The following ITGBL1 variants were observed in gnomAD, a reference collection of about 807,000 sequenced individuals.
ITGBL1 encodes the protein integrin subunit beta like 1, also known as integrin beta-like protein 1.
Under a neutral mutation model 68.5 loss-of-function variants are expected in ITGBL1, and 51 were observed. The ratio of observed to expected loss-of-function variants is 0.74; its 90% CI spans 0.59 to 0.94. The LOEUF (loss-of-function observed/expected upper bound fraction) is 0.94, where lower values mean the gene tolerates loss of function less well. ITGBL1 is among the 40% of genes least tolerant of loss of function. The pLI, the probability that ITGBL1 is intolerant of heterozygous loss-of-function variation, is 0.00. For missense variants in ITGBL1, 649 were observed against 647.4 expected, an observed-to-expected ratio of 1.00 and a Z score of -0.03; for synonymous variants, 209 against 227.3, an observed-to-expected ratio of 0.92 and a Z score of 0.72.
At chr13:101,606,518 G>T (rs2139356462) in intron 7 of ITGBL1, among the ~76,000 whole-genome samples, 1 of 151,900 alleles carries the variant, frequency 6.6e-6, no homozygotes, top group East Asian at 1.9e-4. Context: ...CTTATGGTAG[G>T]CTAAACGTTA....
intron 4 of ITGBL1, 87 bp from the exon 5 acceptor site, chr13:101,579,200 C>T (rs987379891): frequency 6.9e-7 from 1 of 1,444,776 alleles, no homozygotes; most frequent in African/African-American, 1.4e-5. Flanking sequence ...TTTCAGAAGG[C>T]AAAAATGATC....
chr13:101,564,064 C>T (rs905813102), intron 2 of ITGBL1, among the ~76,000 whole-genome samples: 7 of 151,916 alleles, frequency 4.6e-5, no homozygotes, highest in Non-Finnish European at 8.8e-5. Flanking sequence ...GATGGCAATT[C>T]TCTCTACTTT....
At chr13:101,553,494 AC>A (rs1229466301) in intron 2 of ITGBL1, among the ~76,000 whole-genome samples, 1 of 152,170 alleles carries the variant, frequency 6.6e-6, no homozygotes, top group African/African-American at 2.4e-5. Flanking sequence ...TGAAGACTGT[AC>A]CTTGAGTTTC....
intron 2 of ITGBL1, among the ~76,000 whole-genome samples, chr13:101,548,268 A>C (rs773342918): frequency 2.6e-5 from 4 of 151,836 alleles, no homozygotes; most frequent in Non-Finnish European, 5.9e-5. Flanking sequence ...ATGTATTAGC[A>C]GATAGAAATA....
At chr13:101,648,305 G>A (rs1448962564) in intron 7 of ITGBL1, among the ~76,000 whole-genome samples, 1 of 152,150 alleles carries the variant, frequency 6.6e-6, no homozygotes, top group African/African-American at 2.4e-5. Context: ...TGTGATATAT[G>A]TTTAAGAGAG....
At chr13:101,588,843 C>A (rs1196019360) in intron 6 of ITGBL1, among the ~76,000 whole-genome samples, 1 of 152,126 alleles carries the variant, frequency 6.6e-6, no homozygotes, top group Non-Finnish European at 1.5e-5. Context: ...CCTTCTTTGG[C>A]ATAACTTTTA....
At chr13:101,663,289 G>A (rs1313989349) in intron 7 of ITGBL1, among the ~76,000 whole-genome samples, 2 of 152,118 alleles carry the variant, frequency 1.3e-5, no homozygotes, top group African/African-American at 2.4e-5. Context: ...CATTTAAGTA[G>A]AAAACAGGAC....
At chr13:101,604,749 T>A (rs1210139978) in intron 7 of ITGBL1, among the ~76,000 whole-genome samples, 1 of 146,054 alleles carries the variant, frequency 6.8e-6, no homozygotes, top group African/African-American at 2.5e-5. Context: ...ATAAGACCCA[T>A]CAGTTTCTCA....
chr13:101,638,434 TAA>T (rs56780940), intron 7 of ITGBL1, among the ~76,000 whole-genome samples: 17,885 of 148,828 alleles, frequency 0.12, 1,523 homozygotes, highest in African/African-American at 0.24. Flanking sequence ...TCTTAAAAAA[TAA>T]AAAAAAAAAA....
intron 2 of ITGBL1, among the ~76,000 whole-genome samples, chr13:101,469,679 A>G (rs923228934): frequency 1.5e-4 from 23 of 152,102 alleles, no homozygotes; most frequent in Middle Eastern, 3.2e-3. Flanking sequence ...GTGAAACTCC[A>G]TCTTTCCATC....
chr13:101,607,450 C>A (rs1381099909), intron 7 of ITGBL1, among the ~76,000 whole-genome samples: 1 of 151,880 alleles, frequency 6.6e-6, no homozygotes, highest in Non-Finnish European at 1.5e-5. Context: ...GCATAATATT[C>A]CATTATATAG....
At chr13:101,624,910 C>G (rs1594938222) in intron 7 of ITGBL1, among the ~76,000 whole-genome samples, 1 of 152,182 alleles carries the variant, frequency 6.6e-6, no homozygotes, top group East Asian at 1.9e-4. Context: ...TCTGTGAATT[C>G]TGCCATATAC....
chr13:101,576,952 G>GAT (rs3063716), intron 4 of ITGBL1, among the ~76,000 whole-genome samples: 67,418 of 126,042 alleles, frequency 0.53, 17,018 homozygotes, highest in East Asian at 0.68. Context: ...TATTATAGAT[G>GAT]GAAAAAAAAA....
At chr13:101,476,875 G>C (rs2048544930) in intron 2 of ITGBL1, among the ~76,000 whole-genome samples, 1 of 152,066 alleles carries the variant, frequency 6.6e-6, no homozygotes, top group South Asian at 2.1e-4. Context: ...TAAAGTGAGA[G>C]ATAGACCCCA....
At chr13:101,634,613 A>G (rs1034086194) in intron 7 of ITGBL1, among the ~76,000 whole-genome samples, 2 of 152,142 alleles carry the variant, frequency 1.3e-5, no homozygotes, top group Non-Finnish European at 2.9e-5. Flanking sequence ...CATTTCATTC[A>G]TTTATTCCTT....
intron 8 of ITGBL1, 115 bp downstream of exon 8, chr13:101,692,816 G>A (rs547683069): frequency 5.5e-6 from 4 of 732,958 alleles, no homozygotes; most frequent in African/African-American, 3.5e-5. Flanking sequence ...TAAACAGAAA[G>A]CAATATACCA....
chr13:101,654,775 C>T lies in ITGBL1; in HGVS notation c.1016-37810C>T, dbSNP rs56233980. ...ATGCAGATCGGTGTAAAGCTCTGGGCCTGGATGCAACCACCCAGGGAGAAA... is the reference window on the plus strand; with the variant it reads ...ATGCAGATCGGTGTAAAGCTCTGGGTCTGGATGCAACCACCCAGGGAGAAA... On this transcript the variant is annotated intron_variant, in intron 7 of 10. Coordinates refer to ENST00000376180, the MANE Select transcript of ITGBL1 (RefSeq NM_004791.3). Among the ~76,000 whole-genome samples, 1,369 of 152,088 alleles carry T rather than the reference C, an allele frequency of 9.0e-3. 24 individuals are homozygous for T. Among genetic ancestry groups the T allele is most frequent in the African/African-American group, 0.03 (1,258 of 41,488 alleles).
In ITGBL1 at chr13:101,599,988, A is replaced by C. The variant is rs532184290; in HGVS notation, c.1015+1689A>C. On this transcript the variant is annotated intron_variant, in intron 7 of 10. Coordinates refer to ENST00000376180, the MANE Select transcript of ITGBL1 (RefSeq NM_004791.3). ...ATTCTGTGAAGAAAGTCATTGGTAGATTGATGGCGATGGCATTGAATCTGT... is the reference window on the plus strand; with the variant it reads ...ATTCTGTGAAGAAAGTCATTGGTAGCTTGATGGCGATGGCATTGAATCTGT... 2.0e-4 allele frequency among the ~76,000 whole-genome samples: 30 copies of C among 152,256 alleles called. No homozygotes were observed. The South Asian group carries it at 5.6e-3, about 28-fold the overall frequency.
chr13:101,672,611 A>T (rs1400012284), intron 7 of ITGBL1, among the ~76,000 whole-genome samples: 1 of 152,142 alleles, frequency 6.6e-6, no homozygotes, highest in African/African-American at 2.4e-5. Flanking sequence ...GTCACACCTG[A>T]TCCAATCAAT....
Sources: allele counts gnomAD v4.1 joint callset (sites outside exome capture counted in the v4.1 genomes callset), GRCh38; gene constraint gnomAD v4.1.1; transcripts MANE v1.5; gene names NCBI Gene and HGNC (gene_info 2026-07-23, HGNC 2026-07-21).